Variants in EFHC2 observed in about 807,000 individuals in gnomAD.
EFHC2 encodes the protein EF-hand domain containing 2, also known as EF-hand domain-containing family member C2.
EFHC2 carries 18 observed loss-of-function variants against 52.7 expected under a neutral mutation model. The ratio of observed to expected loss-of-function variants is 0.34; its 90% CI spans 0.24 to 0.51. EFHC2 has a LOEUF of 0.51. Ranked by LOEUF, EFHC2 falls within the 20% of genes least tolerant of loss-of-function variation. EFHC2 has a pLI of 0.97. For missense variants in EFHC2, 513 were observed against 562.5 expected (o/e 0.91, Z 0.89); for synonymous variants, 203 against 204.1 (o/e 0.99, Z 0.04).
intron 2 of EFHC2, among the ~76,000 whole-genome samples, chrX:44,287,915 A>G (rs1182857164): frequency 5.3e-5 from 6 of 112,196 alleles, no homozygotes; most frequent in Non-Finnish European, 9.4e-5. Context: ...TTAAAGCTCA[A>G]AAGAAACAAA....
intron 2 of EFHC2, among the ~76,000 whole-genome samples, chrX:44,281,706 C>G (rs2037703287): frequency 8.9e-6 from 1 of 111,888 alleles, no homozygotes; most frequent in Non-Finnish European, 1.9e-5. Context: ...CTCCGATATA[C>G]TAAAATATAA....
intron 2 of EFHC2, chrX:44,285,028 T>C (rs1348641244): frequency 9.0e-6 from 1 of 111,588 alleles, no homozygotes; most frequent in Admixed American, 9.5e-5. Context: ...ACACCACTTT[T>C]CCACCTCATT....
At chrX:44,291,545 C>A (rs953888048) in intron 2 of EFHC2, among the ~76,000 whole-genome samples, 1 of 112,102 alleles carries the variant, frequency 8.9e-6, no homozygotes, top group Non-Finnish European at 1.9e-5. Context: ...TTTTACTTGT[C>A]TGCATAAGAC....
chrX:44,267,413 T>C (rs2037586156), intron 3 of EFHC2, among the ~76,000 whole-genome samples: 1 of 111,709 alleles, frequency 9.0e-6, no homozygotes, highest in African/African-American at 3.3e-5. Flanking sequence ...TTGTGAATAT[T>C]AAAAATATGT....
chrX:44,336,486 T>G (rs2038118454), intron 1 of EFHC2, among the ~76,000 whole-genome samples: 1 of 111,641 alleles, frequency 9.0e-6, no homozygotes, highest in African/African-American at 3.3e-5. Context: ...TTACAAGGAT[T>G]TGGAATAACA....
intron 1 of EFHC2, among the ~76,000 whole-genome samples, chrX:44,331,473 G>A (rs2038086177): frequency 9.0e-6 from 1 of 111,722 alleles, no homozygotes; most frequent in Non-Finnish European, 1.9e-5. Flanking sequence ...CTTTACTGTG[G>A]TGGAAATGTA....
intron 11 of EFHC2, among the ~76,000 whole-genome samples, chrX:44,227,300 A>C (rs1170628833): frequency 9.0e-6 from 1 of 111,614 alleles, no homozygotes; most frequent in Middle Eastern, 4.2e-3. Context: ...CGGGCTATGT[A>C]GTTCCTTTTT....
At chrX:44,309,817 T>C (rs1376617715) in intron 2 of EFHC2, 25 of 1,120,761 alleles carry the variant, frequency 2.2e-5, no homozygotes, top group Non-Finnish European at 4.9e-6. Flanking sequence ...ACGTTCACCA[T>C]AGGTAGCCTC....
intron 11 of EFHC2, among the ~76,000 whole-genome samples, chrX:44,214,892 G>C (rs1260598859): frequency 8.9e-6 from 1 of 111,810 alleles, no homozygotes; most frequent in Non-Finnish European, 1.9e-5. Flanking sequence ...AGCTAGTATA[G>C]TGTTATCTGA....
chrX:44,320,947 A>C (rs2038015144), intron 1 of EFHC2, among the ~76,000 whole-genome samples: 1 of 111,503 alleles, frequency 9.0e-6, no homozygotes, highest in Admixed American at 9.6e-5. Context: ...CCAGTGCCTT[A>C]GAGGTTTAAG....
intron 11 of EFHC2, among the ~76,000 whole-genome samples, chrX:44,209,612 C>T (rs757276077): frequency 9.1e-6 from 1 of 109,498 alleles, no homozygotes; most frequent in Non-Finnish European, 1.9e-5. Context: ...AAGCTTGACA[C>T]GAGATGTGCA....
rs756681811 is a variant in EFHC2, at chrX:44,295,359, G to A, written c.231+17209C>T. On this transcript the variant is annotated intron_variant, in intron 2 of 14. Coordinates refer to ENST00000420999, the MANE Select transcript of EFHC2 (RefSeq NM_025184.4). ...GGACAAGAAGGGAAGGGCATTCTCT[G>A]CAAAGGGGAACAGCATGTGCAAAGT... is the stretch of plus-strand genomic sequence containing the variant. Among the ~76,000 whole-genome samples, 3 of 111,852 alleles carry A rather than the reference G, an allele frequency of 2.7e-5. No homozygotes were observed. In the South Asian group the frequency reaches 1.1e-3, roughly 42 times the overall value.
intron 7 of EFHC2, among the ~76,000 whole-genome samples, chrX:44,243,223 C>G (rs1001060854): frequency 1.8e-5 from 2 of 111,534 alleles, no homozygotes; most frequent in Non-Finnish European, 3.8e-5. Flanking sequence ...TTGTCCCCAA[C>G]ATAAATGGCA....
intron 2 of EFHC2, among the ~76,000 whole-genome samples, chrX:44,301,386 A>C (rs2037868343): frequency 9.0e-6 from 1 of 110,768 alleles, no homozygotes; most frequent in Non-Finnish European, 1.9e-5. Flanking sequence ...GACTGATTTG[A>C]GTAATATTAA....
At chrX:44,312,429 G>A in intron 2 of EFHC2, 139 bp downstream of exon 2, 1 of 405,414 alleles carries the variant, frequency 2.5e-6, no homozygotes, top group Non-Finnish European at 4.0e-6. Context: ...AAAAATAAAG[G>A]CAATAATAAG....
chrX:44,335,993 A>G (rs964076362), intron 1 of EFHC2, among the ~76,000 whole-genome samples: 9 of 109,514 alleles, frequency 8.2e-5, no homozygotes, highest in African/African-American at 3.0e-4. Flanking sequence ...AGTAGAAGAC[A>G]CGAACAGACA....
At chrX:44,172,011 G>A (rs1384577622) in intron 13 of EFHC2, among the ~76,000 whole-genome samples, 1 of 112,054 alleles carries the variant, frequency 8.9e-6, no homozygotes, top group African/African-American at 3.2e-5. Context: ...TGAAATCACA[G>A]GAGCACTAAC....
At chrX:44,252,938 A>C (rs2037462904) in intron 4 of EFHC2, among the ~76,000 whole-genome samples, 2 of 110,806 alleles carry the variant, frequency 1.8e-5, no homozygotes, top group Admixed American at 9.6e-5. Context: ...TATCCGGCTC[A>C]TCTCATTGGG....
chrX:44,236,972 T>A (rs1283314825), intron 8 of EFHC2, among the ~76,000 whole-genome samples: 1 of 111,643 alleles, frequency 9.0e-6, no homozygotes, highest in African/African-American at 3.3e-5. Flanking sequence ...AATTTATAAG[T>A]GTACATGTTA....
Sources: allele counts gnomAD v4.1 joint callset (sites outside exome capture counted in the v4.1 genomes callset), GRCh38; gene constraint gnomAD v4.1.1; transcripts MANE v1.5; gene names NCBI Gene and HGNC (gene_info 2026-07-23, HGNC 2026-07-21).